Variants in SEMA6D observed in about 807,000 individuals in gnomAD.
The protein encoded by SEMA6D is semaphorin-6D.
SEMA6D carries 35 observed loss-of-function variants against 106.6 expected under a neutral mutation model. The observed-to-expected ratio is 0.33, with a 90% CI of 0.25 to 0.44. SEMA6D has a LOEUF of 0.44. Among genes scored for constraint, SEMA6D ranks in the 20% least tolerant of loss-of-function variants. The probability of loss-of-function intolerance (pLI) is 1.00; values close to 1 mark genes in which losing one functional copy is unlikely to be tolerated. For synonymous variants in SEMA6D, 499 were observed against 487.7 expected (o/e 1.02, Z -0.31); for missense variants, 1,185 against 1,345.9 (o/e 0.88, Z 1.87).
At chr15:47,386,354 A>C (rs1039099784) in intron 1 of SEMA6D, among the ~76,000 whole-genome samples, 1 of 152,182 alleles carries the variant, frequency 6.6e-6, no homozygotes, top group Non-Finnish European at 1.5e-5. Context: ...GAGACATCAT[A>C]AGCTACATTT....
intron 1 of SEMA6D, among the ~76,000 whole-genome samples, chr15:47,405,479 A>G (rs371390932): frequency 2.4e-4 from 37 of 152,256 alleles, no homozygotes; most frequent in African/African-American, 8.4e-4. Flanking sequence ...TTAAGGGTCA[A>G]GTGGGAATGG....
chr15:47,505,894 G>A lies in SEMA6D; in HGVS notation c.-87+35349G>A, dbSNP rs79971209. On this transcript the variant is annotated intron_variant, in intron 3 of 19. Transcript: ENST00000558014. ...CAGGGAGAAGCACTAGAGAGGTTGA[G>A]GGGCCAATCAGGAGGAAAGGCTGAT... Among the ~76,000 whole-genome samples the A allele has an allele frequency of 3.5e-4, 54 of 152,164 alleles. 2 individuals carry two copies. The East Asian group carries it at 9.9e-3, about 28-fold the overall frequency.
intron 1 of SEMA6D, among the ~76,000 whole-genome samples, chr15:47,205,326 C>A (rs1595737544): frequency 2.6e-5 from 4 of 152,216 alleles, no homozygotes; most frequent in Admixed American, 2.6e-4. Flanking sequence ...CTATATATTT[C>A]TTTCTTTGAG....
intron 2 of SEMA6D, among the ~76,000 whole-genome samples, chr15:47,425,292 G>A (rs979102010): frequency 1.4e-4 from 21 of 152,042 alleles, no homozygotes; most frequent in Admixed American, 7.9e-4. Flanking sequence ...GGAGCTTTTC[G>A]AGTGATCCCC....
intron 1 of SEMA6D, among the ~76,000 whole-genome samples, chr15:47,310,758 G>A (rs986023448): frequency 1.3e-5 from 2 of 152,108 alleles, no homozygotes; most frequent in Non-Finnish European, 2.9e-5. Flanking sequence ...CTTTCCAAAT[G>A]TTACACTATA....
intron 1 of SEMA6D, among the ~76,000 whole-genome samples, chr15:47,401,714 C>G (rs2040407129): frequency 6.6e-6 from 1 of 152,204 alleles, no homozygotes; most frequent in African/African-American, 2.4e-5. Flanking sequence ...CTCACCATTT[C>G]TAGTGCCCTT....
rs67090828 is a variant in SEMA6D, at chr15:47,316,102, C to CTTTTTTTTTTTTTTTTTTTTTTTT, written c.-238-96283_-238-96282insTTTTTTTTTTTTTTTTTTTTTTTT. Among the ~76,000 whole-genome samples the CTTTTTTTTTTTTTTTTTTTTTTTT allele has an allele frequency of 5.1e-3, 413 of 81,392 alleles. 70 individuals are homozygous for CTTTTTTTTTTTTTTTTTTTTTTTT. Among genetic ancestry groups the CTTTTTTTTTTTTTTTTTTTTTTTT allele is most frequent in the Middle Eastern group, 0.013 (1 of 80 alleles). The allele number at this position is 81,392 out of a possible 152,430, so 53.4% of individuals were successfully genotyped here. ...TCCCAATCAGTATGCCATTTATTTC[C>CTTTTTTTTTTTTTTTTTTTTTTTT]TTTTTTTTGAGACAGAATCTTGTTC... On this transcript the variant is annotated intron_variant, in intron 1 of 19. Coordinates refer to the SEMA6D transcript ENST00000558014.
chr15:47,282,649 C>A (rs1179483426), intron 1 of SEMA6D, among the ~76,000 whole-genome samples: 1 of 152,002 alleles, frequency 6.6e-6, no homozygotes. Flanking sequence ...TATTTTATTT[C>A]AAAGCCACTC....
At chr15:47,613,235 G>A (rs761118136) in intron 4 of SEMA6D, among the ~76,000 whole-genome samples, 1 of 152,082 alleles carries the variant, frequency 6.6e-6, no homozygotes, top group Non-Finnish European at 1.5e-5. Context: ...ACCTTCAATT[G>A]GTGGAAGGGT....
At chr15:47,743,292 C>T (rs1007268564) in intron 1 of SEMA6D, among the ~76,000 whole-genome samples, 2 of 152,054 alleles carry the variant, frequency 1.3e-5, no homozygotes, top group Non-Finnish European at 2.9e-5. Context: ...TATGTTGGTG[C>T]GTGTATGTGT....
intron 4 of SEMA6D, among the ~76,000 whole-genome samples, chr15:47,687,404 G>T (rs897400091): frequency 2.6e-5 from 4 of 152,118 alleles, no homozygotes; most frequent in Admixed American, 1.3e-4. Flanking sequence ...ACTTATCTGG[G>T]TGATGTCTTC....
rs371815647 is a variant in SEMA6D at position 47,695,054 on chromosome 15, CAG to C, written c.-54-64690_-54-64689del. On this transcript the variant is annotated intron_variant, in intron 4 of 19. Coordinates refer to the SEMA6D transcript ENST00000558014. Reference sequence around the variant, plus strand: ...CAACACTGTGCCTGGCATATGCCCCCAGGGCTTAAGACCTAAGTTACATAGAC... The same window carrying C: ...CAACACTGTGCCTGGCATATGCCCCCGGCTTAAGACCTAAGTTACATAGAC... 2.6e-3 allele frequency among the ~76,000 whole-genome samples: 390 copies of C among 152,244 alleles called. 4 individuals carry two copies. The highest frequency in any genetic ancestry group is 9.2e-3 in the African/African-American group (381 of 41,554).
rs776205875 is a variant in SEMA6D, at chr15:47,766,669, A to G, written c.1700A>G (p.Asp567Gly). 1.2e-6 allele frequency: 2 copies of G among 1,606,866 alleles called. No homozygotes were observed. The highest frequency in any genetic ancestry group is 1.7e-6 in the Non-Finnish European group (2 of 1,173,894). Residue 567 changes from aspartate to glycine, a missense_variant, in exon 16 of 19, where the codon GAC becomes GGC. Around this residue, in one of 3 missense-constraint regions of SEMA6D, gnomAD observed 750 missense variants for 783.5 expected, o/e 0.96. Coordinates refer to ENST00000536845, the MANE Select transcript of SEMA6D (RefSeq NM_001358351.3). ...TEFGNTAHLG[D>G]CHEILPTSTT... ...TTCGGCAACACAGCTCATCTAGGGG[A>G]CTGCCATGGTAAGACAGAATCTTCC...
chr15:47,239,630 G>T (rs564085409), intron 1 of SEMA6D, among the ~76,000 whole-genome samples: 1 of 152,270 alleles, frequency 6.6e-6, no homozygotes. Context: ...TCCACTGGCT[G>T]TCTCCATCAT....
At chr15:47,234,344 A>G (rs62013983) in intron 1 of SEMA6D, among the ~76,000 whole-genome samples, 3,119 of 152,026 alleles carry the variant, frequency 0.021, 61 homozygotes, top group African/African-American at 0.033. Context: ...ATATTATTTT[A>G]ATATGTATTA....
rs374069397 is a variant in SEMA6D at position 47,763,835 on chromosome 15, C to G, written c.748-15C>G. ...TGCTCATAACCCCATTGCTTTGCTTCTATCCGTTGGGCAGGCTGTGTATTC... is the reference window on the plus strand; with the variant it reads ...TGCTCATAACCCCATTGCTTTGCTTGTATCCGTTGGGCAGGCTGTGTATTC... On this transcript the variant is annotated splice_polypyrimidine_tract_variant and intron_variant, in intron 9 of 18. Coordinates refer to ENST00000536845, the MANE Select transcript of SEMA6D (RefSeq NM_001358351.3). 177 of 1,609,806 alleles carry G rather than the reference C, an allele frequency of 1.1e-4. No individual in the cohort carries two copies. The highest frequency in any genetic ancestry group is 1.4e-4 in the Non-Finnish European group (170 of 1,177,614).
chr15:47,469,925 A>G (rs1041486660), intron 2 of SEMA6D, among the ~76,000 whole-genome samples: 6 of 152,178 alleles, frequency 3.9e-5, no homozygotes, highest in African/African-American at 1.4e-4. Context: ...GCACATGATT[A>G]TAAACTCCAC....
chr15:47,488,824 A>G (rs1350665717), intron 3 of SEMA6D, among the ~76,000 whole-genome samples: 1 of 152,164 alleles, frequency 6.6e-6, no homozygotes, highest in Non-Finnish European at 1.5e-5. Context: ...AAGGACTGAG[A>G]AATAGACAAG....
chr15:47,207,991 GCGCACACACACACACA>G (rs1232336007), intron 1 of SEMA6D, among the ~76,000 whole-genome samples: 3,814 of 122,956 alleles, frequency 0.031, 152 homozygotes, highest in African/African-American at 0.071. Flanking sequence ...ACTGGCGCGC[GCGCACACACACACACA>G]CACACACACA....
Sources: allele counts gnomAD v4.1 joint callset (sites outside exome capture counted in the v4.1 genomes callset), GRCh38; gene constraint gnomAD v4.1.1; regional missense constraint gnomAD v4.1.1; transcripts MANE v1.5; gene names NCBI Gene and HGNC (gene_info 2026-07-23, HGNC 2026-07-21).